The following CASZ1 variants were observed in gnomAD, a reference collection of about 807,000 sequenced individuals.
CASZ1 encodes the protein castor zinc finger 1.
CASZ1 carries 28 observed loss-of-function variants against 135.2 expected under a neutral mutation model. That is an observed-to-expected ratio of 0.21 (90% CI 0.15 to 0.28). The LOEUF is 0.28. Among genes scored for constraint, CASZ1 ranks in the 10% least tolerant of loss-of-function variants. The probability of loss-of-function intolerance (pLI) is 1.00; values close to 1 mark genes in which losing one functional copy is unlikely to be tolerated. For missense variants in CASZ1, 2,161 were observed against 2,453.3 expected, an observed-to-expected ratio of 0.88 and a Z score of 2.52; for synonymous variants, 1,068 against 1,073.4, an observed-to-expected ratio of 0.99 and a Z score of 0.10.
In CASZ1 at chr1:10,706,223, G is replaced by A. The variant is rs1557521777; in HGVS notation, c.-76-679C>T. Among the ~76,000 whole-genome samples, 1 of 152,194 alleles carries A rather than the reference G, an allele frequency of 6.6e-6. No individual in the cohort carries two copies. Among genetic ancestry groups the A allele is most frequent in the Non-Finnish European group, 1.5e-5 (1 of 68,026 alleles). ...ACAACGTGGAGGCTTTAACCAACAC[G>A]CGGCCTGGCCCAGCGTGCCAGGCTG... On this transcript the variant is annotated intron_variant, in intron 2 of 20. Coordinates refer to ENST00000377022, the MANE Select transcript of CASZ1 (RefSeq NM_001079843.3). This position sits in a 1 kb window ranked among gnomAD's most constrained non-coding sequence, Gnocchi z 4.3.
intron 4 of CASZ1, among the ~76,000 whole-genome samples, chr1:10,684,721 G>C (rs921143511): frequency 3.3e-5 from 5 of 152,190 alleles, no homozygotes; most frequent in Non-Finnish European, 7.3e-5. Flanking sequence ...CTGGGAACTC[G>C]GCCTGGAGTC....
chr1:10,789,532 C>T (rs887038816), intron 1 of CASZ1, among the ~76,000 whole-genome samples: 8 of 151,964 alleles, frequency 5.3e-5, no homozygotes, highest in African/African-American at 1.9e-4. Context: ...CTGTCTCTCT[C>T]TCTCTCTCTC....
rs1450053296 is a variant in CASZ1 at position 10,717,383 on chromosome 1, T to A, written c.-76-11839A>T. On this transcript the variant is annotated intron_variant, in intron 2 of 20. Transcript: ENST00000377022. The surrounding 1 kb of genome is among the most constrained non-coding windows in gnomAD (Gnocchi z 4.6). ...GGGGTGTTGGTGAGTTGTTGGAGGT[T>A]TTTTTTTCTTTTCTTTTCTTTTTTG... Among the ~76,000 whole-genome samples the A allele has an allele frequency of 6.6e-6, 1 of 152,072 alleles. No individual in the cohort carries two copies. Among genetic ancestry groups the A allele is most frequent in the African/African-American group, 2.4e-5 (1 of 41,394 alleles).
chr1:10,726,852 C>A lies in CASZ1; in HGVS notation c.-76-21308G>T, dbSNP rs772262600. 6.6e-6 allele frequency among the ~76,000 whole-genome samples: 1 copy of A among 152,086 alleles called. No homozygotes were observed. Among genetic ancestry groups the A allele is most frequent in the Admixed American group, 6.5e-5 (1 of 15,272 alleles). ...TGTTCAGAGGCCCAGGGGGTCTTCC[C>A]TGGCCTGCTCCGTGTCCTGGGGGAA... is the stretch of plus-strand genomic sequence containing the variant. On this transcript the variant is annotated intron_variant, in intron 2 of 20. Coordinates refer to ENST00000377022, the MANE Select transcript of CASZ1 (RefSeq NM_001079843.3). This position sits in a 1 kb window ranked among gnomAD's most constrained non-coding sequence, Gnocchi z 5.7.
In CASZ1 at chr1:10,637,059, T is replaced by G. The variant is rs893330154; in HGVS notation, c.*1883A>C. 8 of 152,106 alleles carry G rather than the reference T, an allele frequency of 5.3e-5. No individual in the cohort carries two copies. Among genetic ancestry groups the G allele is most frequent in the Non-Finnish European group, 1.2e-4 (8 of 68,014 alleles). 9.4% of individuals were successfully genotyped at this position (152,106 alleles called of 1,614,324 possible). On this transcript the variant is annotated 3_prime_UTR_variant, in exon 21 of 21. Transcript: ENST00000377022. ...AGCTAGCAATGGCTTATAGTCCTAG[T>G]GTGCAATATGAAGTTTACAAAAGGC... is the stretch of plus-strand genomic sequence containing the variant.
In CASZ1 at chr1:10,660,144, C is replaced by T; in HGVS notation, c.898G>A (p.Val300Ile). The T allele has an allele frequency of 2.5e-6, 4 of 1,614,096 alleles. No individual in the cohort carries two copies. The highest frequency in any genetic ancestry group is 3.4e-6 in the Non-Finnish European group (4 of 1,180,000). The change falls in exon 6 of 21, where the codon GTC becomes ATC. Residue 300 changes from valine to isoleucine, a missense_variant. Physicochemically the swap from Val to Ile is conservative, Grantham distance 29 (BLOSUM62 3). This residue lies in a region of CASZ1 where 590 missense variants were observed against 609.8 expected (regional missense o/e 0.97). Transcript: ENST00000377022. ...CGGGCTACCAGGTTCTGCATCTGGA[C>T]ACTGCTGTGCGACGGCAGGGGCAGG... ...TILPLPSHSS[V>I]QMQNLVARAS...
Position 10,654,216 on chromosome 1 carries a change from C to T in CASZ1, c.1841G>A (p.Arg614His), listed in dbSNP as rs777873291. 10 of 1,613,630 alleles carry T rather than the reference C, an allele frequency of 6.2e-6. No individual in the cohort carries two copies. The highest frequency in any genetic ancestry group is 2.2e-5 in the South Asian group (2 of 91,062). Residue 614 changes from arginine (R) to histidine (H), a missense_variant and splice_region_variant, in exon 11 of 21, where the codon CGC (arginine) becomes CAC (histidine). By Grantham distance (29) the Arg-to-His change is conservative. Around this residue, in one of 7 missense-constraint regions of CASZ1, gnomAD observed 248 missense variants for 410.8 expected, o/e 0.60. Coordinates refer to ENST00000377022, the MANE Select transcript of CASZ1 (RefSeq NM_001079843.3). ...GQKTTHFHCR[R>H]PGCTFTFKNK... ...CTTGAAAGTGAATGTGCAGCCGGGG[C>T]GCCTGGATGGGACATTGGGAGCCTG...
intron 2 of CASZ1, among the ~76,000 whole-genome samples, chr1:10,715,415 G>A (rs1378788396): frequency 1.3e-5 from 2 of 151,978 alleles, no homozygotes; most frequent in African/African-American, 4.8e-5. Flanking sequence ...ATTAGGAAGG[G>A]ACAAGGAGCC....
At position 10,639,929 on chromosome 1, in the gene CASZ1, C is replaced by T. The variant is rs1298124865; in HGVS notation, c.4293G>A (p.Leu1431=). Residue 1431 remains leucine (L), a synonymous_variant, in exon 21 of 21, where the codon CTG becomes CTA. Transcript: ENST00000377022. The surrounding 1 kb of genome is among the most constrained non-coding windows in gnomAD (Gnocchi z 4.0). Reference sequence around the variant, plus strand: ...AAAGGTCGAAGCGCCGGAAGCCCTCCAGCATCATGCCCTCGTCCAGCATCT... The same window carrying T: ...AAAGGTCGAAGCGCCGGAAGCCCTCTAGCATCATGCCCTCGTCCAGCATCT... The part of the protein sequence containing the change: ...SRKMLDEGMM[L]EGFRRFDLYE... The T allele has an allele frequency of 6.2e-7, 1 of 1,612,858 alleles. No homozygotes were observed. Among genetic ancestry groups the T allele is most frequent in the East Asian group, 2.2e-5 (1 of 44,908 alleles).
At chr1:10,785,050 T>TCTTGCTTTCTTG (rs368098117) in intron 1 of CASZ1, among the ~76,000 whole-genome samples, 1 of 145,220 alleles carries the variant, frequency 6.9e-6, no homozygotes, top group Non-Finnish European at 1.5e-5. Flanking sequence ...TTGCTTGCTT[T>TCTTGCTTTCTTG]CTTTCTGTCT....
At chr1:10,787,442 G>A (rs1376880677) in intron 1 of CASZ1, among the ~76,000 whole-genome samples, 1 of 152,240 alleles carries the variant, frequency 6.6e-6, no homozygotes, top group African/African-American at 2.4e-5. Context: ...ATTCCCGAAG[G>A]AGCTGTGGGG....
intron 1 of CASZ1, among the ~76,000 whole-genome samples, chr1:10,784,322 C>T (rs531012107): frequency 7.9e-5 from 12 of 152,178 alleles, no homozygotes; most frequent in Non-Finnish European, 1.6e-4. Context: ...AAGCATCCCT[C>T]GGAGGGAAGC....
At chr1:10,678,692 G>A (rs1462979861) in intron 4 of CASZ1, among the ~76,000 whole-genome samples, 3 of 152,322 alleles carry the variant, frequency 2.0e-5, no homozygotes, top group African/African-American at 4.8e-5. Flanking sequence ...GCCGCTGTAA[G>A]GAGATTAAAG....
At chr1:10,652,034 G>A (rs757537978) in intron 11 of CASZ1, 18 of 152,280 alleles carry the variant, frequency 1.2e-4, no homozygotes, top group African/African-American at 2.7e-4. Context: ...GTCCCTCCAC[G>A]CGGCCACCGG....
intron 2 of CASZ1, among the ~76,000 whole-genome samples, chr1:10,745,783 A>C (rs1198493808): frequency 6.6e-6 from 1 of 152,210 alleles, no homozygotes; most frequent in Admixed American, 6.5e-5. Context: ...CTATGGCCCT[A>C]CGGGTCTAGA....
In CASZ1 at chr1:10,720,712, A is replaced by G. The variant is rs941483767; in HGVS notation, c.-76-15168T>C. Among the ~76,000 whole-genome samples, 6 of 152,132 alleles carry G rather than the reference A, an allele frequency of 3.9e-5. No homozygotes were observed. The highest frequency in any genetic ancestry group is 1.2e-4 in the African/African-American group (5 of 41,412). ...CCCCCAGAAAACTTTCCATCTGGGG[A>G]GAGGGAGGACGGCTGGCAAAGAATG... On this transcript the variant is annotated intron_variant, in intron 2 of 20. Transcript: ENST00000377022. The surrounding 1 kb of genome is among the most constrained non-coding windows in gnomAD (Gnocchi z 5.7).
intron 2 of CASZ1, among the ~76,000 whole-genome samples, chr1:10,738,952 C>T (rs540488740): frequency 1.1e-3 from 64 of 57,932 alleles, no homozygotes; most frequent in Admixed American, 4.0e-3. Context: ...TTTCACTTTT[C>T]GCTAAAGTCA....
chr1:10,783,246 AGTGTGT>A (rs70997266), intron 1 of CASZ1, among the ~76,000 whole-genome samples: 4,966 of 147,656 alleles, frequency 0.034, 237 homozygotes, highest in African/African-American at 0.1. Context: ...CCAGTGGAGA[AGTGTGT>A]GTGTGTGTGT....
At chr1:10,730,196 T>C (rs1639678340) in intron 2 of CASZ1, among the ~76,000 whole-genome samples, 1 of 150,482 alleles carries the variant, frequency 6.6e-6, no homozygotes. Flanking sequence ...CTGCAACCTC[T>C]GCCTCCCAGG....
Sources: allele counts gnomAD v4.1 joint callset (sites outside exome capture counted in the v4.1 genomes callset), GRCh38; gene constraint gnomAD v4.1.1; regional missense constraint gnomAD v4.1.1; non-coding constraint Gnocchi (gnomAD v3.1); transcripts MANE v1.5; gene names NCBI Gene and HGNC (gene_info 2026-07-23, HGNC 2026-07-21).